Variants in NAALADL2 observed in about 807,000 individuals in gnomAD.
The protein encoded by NAALADL2 is N-acetylated alpha-linked acidic dipeptidase like 2, also known as inactive N-acetylated-alpha-linked acidic dipeptidase-like protein 2.
A neutral mutation model predicts 87.2 loss-of-function variants in NAALADL2; 76 were observed. The observed-to-expected ratio is 0.87, with a 90% CI of 0.72 to 1.05. The LOEUF is 1.05. NAALADL2 is among the 50% of genes least tolerant of loss of function. The pLI is 0.00. For missense variants in NAALADL2, 1,089 were observed against 945.8 expected, an observed-to-expected ratio of 1.15 and a Z score of -1.99; for synonymous variants, 354 against 331.0, an observed-to-expected ratio of 1.07 and a Z score of -0.75.
At chr3:174,766,985 G>A (rs1451851994) in intron 3 of NAALADL2, among the ~76,000 whole-genome samples, 1 of 152,170 alleles carries the variant, frequency 6.6e-6, no homozygotes, top group East Asian at 1.9e-4. Flanking sequence ...TTGTCCATGT[G>A]AATGGCACTG....
intron 13 of NAALADL2, among the ~76,000 whole-genome samples, chr3:175,798,085 T>C (rs767219133): frequency 1.3e-5 from 2 of 152,016 alleles, no homozygotes; most frequent in Non-Finnish European, 2.9e-5. Flanking sequence ...GCTAAGTGGT[T>C]TTCAGCACAC....
intron 3 of NAALADL2, among the ~76,000 whole-genome samples, chr3:174,780,159 T>C (rs1715762348): frequency 6.6e-6 from 1 of 152,186 alleles, no homozygotes. Context: ...AGCAGTGGTT[T>C]GTAAATCTCC....
chr3:175,269,716 T>C (rs1362122514), intron 4 of NAALADL2, among the ~76,000 whole-genome samples: 1 of 152,224 alleles, frequency 6.6e-6, no homozygotes, highest in African/African-American at 2.4e-5. Flanking sequence ...TCCAATGTTG[T>C]ACATTTATTT....
At chr3:175,705,574 T>C (rs766768791) in intron 11 of NAALADL2, among the ~76,000 whole-genome samples, 34 of 151,992 alleles carry the variant, frequency 2.2e-4, no homozygotes, top group Non-Finnish European at 8.8e-5. Flanking sequence ...AAACTAACAC[T>C]GATTGGGTGT....
At chr3:174,807,619 A>C (rs962394486) in intron 3 of NAALADL2, among the ~76,000 whole-genome samples, 1 of 152,152 alleles carries the variant, frequency 6.6e-6, no homozygotes, top group African/African-American at 2.4e-5. Context: ...TGGAAATACT[A>C]GAACTAGAAA....
intron 10 of NAALADL2, among the ~76,000 whole-genome samples, chr3:175,611,948 T>C (rs1286522689): frequency 1.3e-5 from 2 of 152,122 alleles, no homozygotes; most frequent in African/African-American, 4.8e-5. Flanking sequence ...TGATTTCCAG[T>C]TGAATAAATG....
At chr3:175,754,587 G>C (rs1747018447) in intron 12 of NAALADL2, among the ~76,000 whole-genome samples, 1 of 152,138 alleles carries the variant, frequency 6.6e-6, no homozygotes. Context: ...AAAGAACCCA[G>C]TAGTCACATG....
intron 5 of NAALADL2, among the ~76,000 whole-genome samples, chr3:175,446,606 ACT>A (rs1438533222): frequency 1.3e-5 from 2 of 151,722 alleles, no homozygotes; most frequent in Non-Finnish European, 2.9e-5. Context: ...TCACTCTCTC[ACT>A]CTCAGTTTTC....
chr3:175,196,497 A>T (rs759195740), intron 2 of NAALADL2, among the ~76,000 whole-genome samples: 25 of 151,928 alleles, frequency 1.6e-4, no homozygotes, highest in Admixed American at 3.9e-4. Context: ...GGTATTTTTT[A>T]AGTCAAATCT....
chr3:175,539,353 C>CA (rs1311526044), intron 9 of NAALADL2, among the ~76,000 whole-genome samples: 1 of 152,066 alleles, frequency 6.6e-6, no homozygotes, highest in Non-Finnish European at 1.5e-5. Flanking sequence ...TTTATACCTC[C>CA]AAAAATCTAT....
chr3:175,542,329 G>A lies in NAALADL2; in HGVS notation c.1654-33712G>A, dbSNP rs552011666. On this transcript the variant is annotated intron_variant, in intron 9 of 13. Transcript: ENST00000454872. ...AATGAGAATTTAAACTATATTTCCA[G>A]ATGTATGTTATAACACTTCTAAAGA... Among the ~76,000 whole-genome samples, 16 of 152,302 alleles carry A rather than the reference G, an allele frequency of 1.1e-4. No homozygotes were observed. The East Asian group carries it at 3.1e-3, about 29-fold the overall frequency.
intron 3 of NAALADL2, among the ~76,000 whole-genome samples, chr3:174,849,053 A>G (rs1434653236): frequency 6.6e-6 from 1 of 152,156 alleles, no homozygotes; most frequent in Non-Finnish European, 1.5e-5. Flanking sequence ...AAGATTAGAA[A>G]TGGTACATCT....
chr3:175,660,742 A>G (rs985767770), intron 11 of NAALADL2, among the ~76,000 whole-genome samples: 4 of 152,046 alleles, frequency 2.6e-5, no homozygotes, highest in Non-Finnish European at 4.4e-5. Flanking sequence ...CCCACATATG[A>G]GTGAGAACAT....
At chr3:174,662,084 G>T (rs1050712513) in intron 2 of NAALADL2, among the ~76,000 whole-genome samples, 3 of 151,892 alleles carry the variant, frequency 2.0e-5, no homozygotes, top group African/African-American at 7.3e-5. Flanking sequence ...TCTACTGTGG[G>T]ATAAAAATAA....
intron 5 of NAALADL2, among the ~76,000 whole-genome samples, chr3:175,399,458 T>C (rs1770274841): frequency 6.6e-6 from 1 of 152,202 alleles, no homozygotes; most frequent in Non-Finnish European, 1.5e-5. Flanking sequence ...TGTGGGCTGC[T>C]GGTTGACCAT....
intron 1 of NAALADL2, among the ~76,000 whole-genome samples, chr3:174,924,396 C>A (rs898198345): frequency 6.6e-6 from 1 of 151,938 alleles, no homozygotes; most frequent in South Asian, 2.1e-4. Flanking sequence ...CGAACTCATC[C>A]TTTTTTATGG....
Position 174,486,540 on chromosome 3 carries a change from T to C in NAALADL2, c.-184+45508T>C, listed in dbSNP as rs184912021. On this transcript the variant is annotated intron_variant, in intron 1 of 3. Coordinates refer to the NAALADL2 transcript ENST00000434257. ...GCGTGTGAATTTCCACTCTGGTAAATTGCGGTTTTCCATATGTACCTGTCT... is the reference window on the plus strand; with the variant it reads ...GCGTGTGAATTTCCACTCTGGTAAACTGCGGTTTTCCATATGTACCTGTCT... Among the ~76,000 whole-genome samples the C allele has an allele frequency of 3.3e-5, 5 of 152,144 alleles. No homozygotes were observed. The East Asian group carries it at 9.7e-4, about 29-fold the overall frequency.
At chr3:174,778,789 C>T (rs781460901) in intron 3 of NAALADL2, among the ~76,000 whole-genome samples, 1 of 152,048 alleles carries the variant, frequency 6.6e-6, no homozygotes, top group Non-Finnish European at 1.5e-5. Context: ...TCACCCATGC[C>T]CCTGCAAAGG....
At chr3:174,624,031 A>G (rs1040540898) in intron 2 of NAALADL2, among the ~76,000 whole-genome samples, 1 of 152,238 alleles carries the variant, frequency 6.6e-6, no homozygotes, top group Non-Finnish European at 1.5e-5. Flanking sequence ...TTCTAAGCAT[A>G]GTTTAAAATA....
Sources: gnomAD v4.1 joint callset for allele counts (sites outside exome capture counted in the v4.1 genomes callset) on GRCh38, gnomAD v4.1.1 for gene constraint, MANE v1.5 for transcripts, NCBI Gene and HGNC (gene_info 2026-07-23, HGNC 2026-07-21) for gene names.